IL2RA: variants seen among roughly 807,000 people sequenced by gnomAD.
IL2RA encodes interleukin 2 receptor subunit alpha.
Under a neutral mutation model 37.8 loss-of-function variants are expected in IL2RA, and 24 were observed. That is an observed-to-expected ratio of 0.63 (90% CI 0.46 to 0.89). The LOEUF (loss-of-function observed/expected upper bound fraction) is 0.89. Ranked by LOEUF, IL2RA falls within the 40% of genes least tolerant of loss-of-function variation. The pLI is 0.00. For synonymous variants in IL2RA, 125 were observed against 114.6 expected, an observed-to-expected ratio of 1.09 and a Z score of -0.58; for missense variants, 319 against 348.6, an observed-to-expected ratio of 0.92 and a Z score of 0.68.
chr10:6,019,326 A>C (rs2132850148), intron 6 of IL2RA, 102 bp downstream of exon 6: 1 of 878,386 alleles, frequency 1.1e-6, no homozygotes, highest in Non-Finnish European at 2.0e-6. Context: ...CAACCAACTA[A>C]CCAACCTACC....
rs551224144 is a variant in IL2RA at position 6,046,898 on chromosome 10, C to T, written c.64+15190G>A. On this transcript the variant is annotated intron_variant, in intron 1 of 7. Transcript: ENST00000379959. The surrounding 1 kb of genome is among the most constrained non-coding windows in gnomAD (Gnocchi z 4.8). ...GGAGAGCTGAATTCCAAGGTGGCCA[C>T]GTTTCCTAAGGACATGGGAACTTAA... Among the ~76,000 whole-genome samples the T allele has an allele frequency of 4.6e-5, 7 of 152,302 alleles. No individual in the cohort carries two copies. Among genetic ancestry groups the T allele is most frequent in the African/African-American group, 9.6e-5 (4 of 41,568 alleles).
In IL2RA at chr10:6,062,242, G is replaced by A. The variant is rs1840133239; in HGVS notation, c.-91C>T. 3 of 1,096,976 alleles carry A rather than the reference G, an allele frequency of 2.7e-6. No individual in the cohort carries two copies. The highest frequency in any genetic ancestry group is 4.2e-6 in the Non-Finnish European group (3 of 716,718). The allele number at this position is 1,096,976 out of a possible 1,614,324, so 68.0% of individuals were successfully genotyped here. A position where few individuals can be genotyped will look rare whatever the true frequency, so the allele number is the denominator to read the frequency against. On this transcript the variant is annotated 5_prime_UTR_variant, in exon 1 of 8. Transcript: ENST00000379959. Reference sequence around the variant, plus strand: ...GCCGTCAGCCTCTTTTTGGCATCGCGCCGGAGGATGTGGGATGGGAAGATC... The same window carrying A: ...GCCGTCAGCCTCTTTTTGGCATCGCACCGGAGGATGTGGGATGGGAAGATC...
chr10:6,043,413 C>A (rs1159730724), intron 1 of IL2RA, among the ~76,000 whole-genome samples: 1 of 151,916 alleles, frequency 6.6e-6, no homozygotes, highest in African/African-American at 2.4e-5. Flanking sequence ...GTATCTACAG[C>A]ATGTATTTAT....
intron 1 of IL2RA, among the ~76,000 whole-genome samples, chr10:6,051,506 TATATATA>T (rs1392905656): frequency 1.5e-3 from 157 of 107,376 alleles, no homozygotes; most frequent in African/African-American, 5.3e-3. Context: ...TATATATATA[TATATATA>T]TATATTTTTT....
At position 6,014,539 on chromosome 10, in the gene IL2RA, C is replaced by T. The variant is rs1019259027; in HGVS notation, c.795-1643G>A. On this transcript the variant is annotated intron_variant, in intron 7 of 7. Transcript: ENST00000379959. This position sits in a 1 kb window ranked among gnomAD's most constrained non-coding sequence, Gnocchi z 4.4. ...ATTCCTACTTCCAAATAGCTTTGTC[C>T]TCTGGGCCCGAAGGCTTTTGATCTT... Among the ~76,000 whole-genome samples the T allele has an allele frequency of 6.6e-5, 10 of 152,142 alleles. No homozygotes were observed. Among genetic ancestry groups the T allele is most frequent in the Non-Finnish European group, 1.2e-4 (8 of 68,032 alleles).
rs12722647 is a variant in IL2RA at position 6,042,546 on chromosome 10, G to A, written c.65-16521C>T. ...ATGGAACAAGCAAAAGAAATTAGAG[G>A]AATAAGAAGTGGATAACAAAAAATA... On this transcript the variant is annotated intron_variant, in intron 1 of 7. Coordinates refer to ENST00000379959, the MANE Select transcript of IL2RA (RefSeq NM_000417.3). Among the ~76,000 whole-genome samples the A allele has an allele frequency of 1.5e-3, 226 of 152,100 alleles. 1 individual carries two copies. The highest frequency in any genetic ancestry group is 5.0e-3 in the African/African-American group (208 of 41,486).
intron 3 of IL2RA, among the ~76,000 whole-genome samples, chr10:6,023,538 G>T (rs1839423598): frequency 6.6e-6 from 1 of 152,188 alleles, no homozygotes; most frequent in South Asian, 2.1e-4. Context: ...GTTTCACCAT[G>T]TTGGCCAGGC....
In IL2RA at chr10:6,011,860, G is replaced by A. The variant is rs1215706035; in HGVS notation, c.*1012C>T. On this transcript the variant is annotated 3_prime_UTR_variant, in exon 8 of 8. Transcript: ENST00000379959. The surrounding 1 kb of genome is among the most constrained non-coding windows in gnomAD (Gnocchi z 5.2). ...CAGGCCTGATGCGCTCTTTTCCGTG[G>A]TTACGTTCTACCAGTGTGACCTCCA... 1 of 152,380 alleles carries A rather than the reference G, an allele frequency of 6.6e-6. No homozygotes were observed. The highest frequency in any genetic ancestry group is 6.5e-5 in the Admixed American group (1 of 15,290). 9.4% of individuals were successfully genotyped at this position (152,380 alleles called of 1,614,324 possible).
rs1212252121 is a variant in IL2RA at position 6,048,173 on chromosome 10, G to A, written c.64+13915C>T. Among the ~76,000 whole-genome samples, 1 of 152,258 alleles carries A rather than the reference G, an allele frequency of 6.6e-6. No homozygotes were observed. Among genetic ancestry groups the A allele is most frequent in the African/African-American group, 2.4e-5 (1 of 41,458 alleles). On this transcript the variant is annotated intron_variant, in intron 1 of 7. Transcript: ENST00000379959. The surrounding 1 kb of genome is among the most constrained non-coding windows in gnomAD (Gnocchi z 5.3). ...TCATGCATCACAGGAAGGCTGTCAT[G>A]GGAGTCCTGAGGTGGGTGGTGATAA...
At position 6,012,767 on chromosome 10, in the gene IL2RA, A is replaced by T. The variant is rs1839209465; in HGVS notation, c.*105T>A. ...TCCAAAACGCAGGCAAGCACAACGGATGTCTCCTGGGCGACCATTTAGCAC... is the reference window on the plus strand; with the variant it reads ...TCCAAAACGCAGGCAAGCACAACGGTTGTCTCCTGGGCGACCATTTAGCAC... On this transcript the variant is annotated 3_prime_UTR_variant, in exon 8 of 8. Transcript: ENST00000379959. The surrounding 1 kb of genome is among the most constrained non-coding windows in gnomAD (Gnocchi z 4.8). The T allele has an allele frequency of 9.2e-6, 11 of 1,198,998 alleles. No individual in the cohort carries two copies. The South Asian group carries it at 1.3e-4, about 15-fold the overall frequency. 74.3% of individuals were successfully genotyped at this position (1,198,998 alleles called of 1,614,324 possible).
At chr10:6,050,410 G>A (rs1482665830) in intron 1 of IL2RA, among the ~76,000 whole-genome samples, 2 of 152,204 alleles carry the variant, frequency 1.3e-5, no homozygotes, top group Non-Finnish European at 2.9e-5. Flanking sequence ...GCTGAGACTG[G>A]TGGATCAATT....
intron 7 of IL2RA, among the ~76,000 whole-genome samples, chr10:6,016,076 G>A (rs1839272195): frequency 6.6e-6 from 1 of 152,186 alleles, no homozygotes; most frequent in Non-Finnish European, 1.5e-5. Context: ...CCAGAGCTCA[G>A]GTGTTGGAAA....
rs1839898493 is a variant in IL2RA, at chr10:6,048,354, T to C, written c.64+13734A>G. ...GATGGGGAGGATGGGGTGCCATTCA[T>C]TGAGATAGCAAAGAGAGGAGAAAGA... On this transcript the variant is annotated intron_variant, in intron 1 of 7. Transcript: ENST00000379959. The surrounding 1 kb of genome is among the most constrained non-coding windows in gnomAD (Gnocchi z 5.3). 6.6e-6 allele frequency among the ~76,000 whole-genome samples: 1 copy of C among 152,166 alleles called. No homozygotes were observed. The highest frequency in any genetic ancestry group is 2.1e-4 in the South Asian group (1 of 4,830).
rs1413606928 is a variant in IL2RA, at chr10:6,047,994, CAGT to C, written c.64+14091_64+14093del. Among the ~76,000 whole-genome samples the C allele has an allele frequency of 6.6e-6, 1 of 152,210 alleles. No individual in the cohort carries two copies. Among genetic ancestry groups the C allele is most frequent in the Non-Finnish European group, 1.5e-5 (1 of 68,030 alleles). On this transcript the variant is annotated intron_variant, in intron 1 of 7. Transcript: ENST00000379959. This position sits in a 1 kb window ranked among gnomAD's most constrained non-coding sequence, Gnocchi z 5.0. ...ACTTGCCCAGAGACACACAGCCCCTCAGTGGTGGAGCTAGGACTTGGACCCAGG... is the reference window on the plus strand; with the variant it reads ...ACTTGCCCAGAGACACACAGCCCCTCGGTGGAGCTAGGACTTGGACCCAGG...
At chr10:6,026,256 T>C (rs146845370) in intron 1 of IL2RA, among the ~76,000 whole-genome samples, 111 of 152,332 alleles carry the variant, frequency 7.3e-4, no homozygotes, top group African/African-American at 2.5e-3. Context: ...GCACAATGTA[T>C]TTCAAACTAG....
Position 6,017,010 on chromosome 10 carries a change from A to G in IL2RA, c.794+1043T>C, listed in dbSNP as rs76936818. Reference sequence around the variant, plus strand: ...CCCCCCAAATTCAAAGTGGGTCACAATGGTTTTGGTGACAGGATTTCCCTC... The same window carrying G: ...CCCCCCAAATTCAAAGTGGGTCACAGTGGTTTTGGTGACAGGATTTCCCTC... On this transcript the variant is annotated intron_variant, in intron 7 of 7. Coordinates refer to ENST00000379959, the MANE Select transcript of IL2RA (RefSeq NM_000417.3). The G allele has an allele frequency of 2.9e-3, 447 of 153,338 alleles. 2 individuals are homozygous for G. Among genetic ancestry groups the G allele is most frequent in the Non-Finnish European group, 5.0e-3 (340 of 68,580 alleles). The allele number at this position is 153,338 out of a possible 1,614,324, so 9.5% of individuals were successfully genotyped here.
rs941960253 is a variant in IL2RA at position 6,058,052 on chromosome 10, G to A, written c.64+4036C>T. 2.6e-5 allele frequency among the ~76,000 whole-genome samples: 4 copies of A among 152,116 alleles called. No homozygotes were observed. The highest frequency in any genetic ancestry group is 6.5e-5 in the Admixed American group (1 of 15,276). On this transcript the variant is annotated intron_variant, in intron 1 of 7. Coordinates refer to ENST00000379959, the MANE Select transcript of IL2RA (RefSeq NM_000417.3). The surrounding 1 kb of genome is among the most constrained non-coding windows in gnomAD (Gnocchi z 4.2). ...TGAGGCAGGAGAATCACTTGAACCC[G>A]GGAGGCAGAGGTTGCAGTGAGCCAA...
At position 6,056,116 on chromosome 10, in the gene IL2RA, C is replaced by T. The variant is rs545296222; in HGVS notation, c.64+5972G>A. On this transcript the variant is annotated intron_variant, in intron 1 of 7. Coordinates refer to ENST00000379959, the MANE Select transcript of IL2RA (RefSeq NM_000417.3). This position sits in a 1 kb window ranked among gnomAD's most constrained non-coding sequence, Gnocchi z 5.0. ...AGAGACAATTATATTATTGTTTTCC[C>T]CTAAATGAGTGAGTTACTTGAGAAT... Among the ~76,000 whole-genome samples, 1 of 152,198 alleles carries T rather than the reference C, an allele frequency of 6.6e-6. No individual in the cohort carries two copies. The highest frequency in any genetic ancestry group is 6.5e-5 in the Admixed American group (1 of 15,296).
In IL2RA at chr10:6,028,310, C is replaced by A. The variant is rs12722559; in HGVS notation, c.65-2285G>T. On this transcript the variant is annotated intron_variant, in intron 1 of 7. Coordinates refer to ENST00000379959, the MANE Select transcript of IL2RA (RefSeq NM_000417.3). This position sits in a 1 kb window ranked among gnomAD's most constrained non-coding sequence, Gnocchi z 4.1. ...AGAGCTGGTCTGAACCTGAACAGGGCAGAACTCAGTGAAACTTAGCCCTGA... is the reference window on the plus strand; with the variant it reads ...AGAGCTGGTCTGAACCTGAACAGGGAAGAACTCAGTGAAACTTAGCCCTGA... 0.11 allele frequency among the ~76,000 whole-genome samples: 16,065 copies of A among 152,176 alleles called. 1,095 individuals carry two copies. Among genetic ancestry groups the A allele is most frequent in the Non-Finnish European group, 0.16 (10,547 of 67,998 alleles).
Sources: allele counts gnomAD v4.1 joint callset (sites outside exome capture counted in the v4.1 genomes callset), GRCh38; gene constraint gnomAD v4.1.1; non-coding constraint Gnocchi (gnomAD v3.1); transcripts MANE v1.5; gene names NCBI Gene and HGNC (gene_info 2026-07-23, HGNC 2026-07-21).